The following SAMD10 variants were observed in gnomAD, a reference collection of about 807,000 sequenced individuals.
SAMD10 encodes the protein sterile alpha motif domain containing 10, also known as sterile alpha motif domain-containing protein 10.
SAMD10 carries 16 observed loss-of-function variants against 22.5 expected under a neutral mutation model. The ratio of observed to expected loss-of-function variants is 0.71; its 90% CI spans 0.48 to 1.08. The LOEUF is 1.08. SAMD10 is among the 50% of genes least tolerant of loss of function. SAMD10 has a pLI of 0.00. For synonymous variants in SAMD10, 118 were observed against 122.2 expected, an observed-to-expected ratio of 0.97 and a Z score of 0.23; for missense variants, 227 against 281.3, an observed-to-expected ratio of 0.81 and a Z score of 1.38.
In SAMD10 at chr20:63,975,418, G is replaced by A; in HGVS notation, c.*92C>T. ...CCTGGCCGCCCCGGCATCCCGCAGG[G>A]TCCAAGAGGCGCTGCGGGGCCAGCT... On this transcript the variant is annotated 3_prime_UTR_variant, in exon 5 of 5. Coordinates refer to ENST00000369886, the MANE Select transcript of SAMD10 (RefSeq NM_080621.5). 6.5e-7 allele frequency: 1 copy of A among 1,540,468 alleles called. No individual in the cohort carries two copies. The highest frequency in any genetic ancestry group is 8.9e-7 in the Non-Finnish European group (1 of 1,118,332).
At chr20:63,979,655 C>T, upstream of SAMD10, 1 of 985,128 alleles carries the variant, frequency 1.0e-6, no homozygotes, top group Middle Eastern at 5.2e-4. This position sits in a 1 kb window ranked among gnomAD's most constrained non-coding sequence, Gnocchi z 7.7. Flanking sequence ...CGGGCGCGCT[C>T]CGGGAGCTCC....
chr20:63,976,395 A>G (rs1234699130), intron 3 of SAMD10, among the ~76,000 whole-genome samples: 1 of 152,038 alleles, frequency 6.6e-6, no homozygotes, highest in Non-Finnish European at 1.5e-5. Flanking sequence ...GAAAGGAAGG[A>G]GAGCAAAAGG....
At position 63,975,752 on chromosome 20, in the gene SAMD10, G is replaced by A. The variant is rs757061221; in HGVS notation, c.526C>T (p.Gln176Ter). The A allele has an allele frequency of 6.2e-7, 1 of 1,605,088 alleles. No homozygotes were observed. Among genetic ancestry groups the A allele is most frequent in the Non-Finnish European group, 8.5e-7 (1 of 1,179,404 alleles). Residue 176 changes from glutamine to a stop codon, truncating the protein, a stop_gained, in exon 4 of 5, where the codon CAG becomes TAG. Transcript: ENST00000369886. LOFTEE classifies it high-confidence loss of function. ...AQEAQRQEVL[Q>*]QVLRLQVREE... ...CGCACCTGCAGGCGGAGCACCTGCT[G>A]CAGCACCTCCTGCCTCTGGGCCTCC...
chr20:63,975,694 T>C lies in SAMD10; in HGVS notation c.584A>G (p.Gln195Arg). ...CCTCTCTGGCACCTCACACTGACCT[T>C]GGCTGAGCAGCTGCAGGCTCCGCCC... The part of the protein sequence containing the change: ...EEGRSLQLLS[Q>R]ASFGKMS Residue 195 changes from glutamine (Q) to arginine (R), a missense_variant and splice_region_variant, in exon 4 of 5, where the codon CAA (glutamine) becomes CGA (arginine). By Grantham distance (43) the Gln-to-Arg change is conservative. Coordinates refer to ENST00000369886, the MANE Select transcript of SAMD10 (RefSeq NM_080621.5). 1 of 1,603,936 alleles carries C rather than the reference T, an allele frequency of 6.2e-7. No individual in the cohort carries two copies. The highest frequency in any genetic ancestry group is 8.5e-7 in the Non-Finnish European group (1 of 1,175,758).
In SAMD10 at chr20:63,975,334, A is replaced by C; in HGVS notation, c.*176T>G. The C allele has an allele frequency of 8.9e-6, 6 of 673,858 alleles. No individual in the cohort carries two copies. Among genetic ancestry groups the C allele is most frequent in the South Asian group, 1.7e-5 (1 of 57,170 alleles). The allele number at this position is 673,858 out of a possible 1,614,324, so 41.7% of individuals were successfully genotyped here. On this transcript the variant is annotated 3_prime_UTR_variant, in exon 5 of 5. Coordinates refer to ENST00000369886, the MANE Select transcript of SAMD10 (RefSeq NM_080621.5). ...CACCCAGCCCCAGGGCACGACCTGG[A>C]ATGTCCAACCAGAGGCGCCTGGAGG... is the stretch of plus-strand genomic sequence containing the variant.
Position 63,977,551 on chromosome 20 carries a change from G to T in SAMD10, c.92-145C>A. 1 of 804,358 alleles carries T rather than the reference G, an allele frequency of 1.2e-6. No individual in the cohort carries two copies. The highest frequency in any genetic ancestry group is 2.0e-6 in the Non-Finnish European group (1 of 505,250). The allele number at this position is 804,358 out of a possible 1,614,324, so 49.8% of individuals were successfully genotyped here. ...AGGGGTTCCCAAGCCTCCAAAGGCA[G>T]AAGGAAGTGTGCAGGACCTGTTTCG... On this transcript the variant is annotated intron_variant, in intron 1 of 4. Transcript: ENST00000369886. This position sits in a 1 kb window ranked among gnomAD's most constrained non-coding sequence, Gnocchi z 5.4.
chr20:63,979,085 T>G lies in SAMD10; in HGVS notation c.91+292A>C, dbSNP rs561693287. On this transcript the variant is annotated intron_variant, in intron 1 of 4. Transcript: ENST00000369886. The surrounding 1 kb of genome is among the most constrained non-coding windows in gnomAD (Gnocchi z 7.7). ...GCCCCACTGCAAAAGCGGGGGAGGG[T>G]TTTCCCCGTGCGCAGGAAAAGGTGA... 6.7e-6 allele frequency among the ~76,000 whole-genome samples: 1 copy of G among 150,174 alleles called. No individual in the cohort carries two copies. Among genetic ancestry groups the G allele is most frequent in the South Asian group, 2.1e-4 (1 of 4,730 alleles).
chr20:63,978,006 C>T (rs971101818), intron 1 of SAMD10, among the ~76,000 whole-genome samples: 14 of 152,248 alleles, frequency 9.2e-5, no homozygotes, highest in Non-Finnish European at 1.9e-4. Context: ...GCAGGGCTCA[C>T]TCCGCAAACA....
chr20:63,975,807 C>T lies in SAMD10; in HGVS notation c.471G>A (p.Ala157=), dbSNP rs817343. Residue 157 remains alanine (A), a synonymous_variant, in exon 4 of 5, where the codon GCG becomes GCA. Coordinates refer to ENST00000369886, the MANE Select transcript of SAMD10 (RefSeq NM_080621.5). ...CCAGCCCCATCCGCTGCAGCTTCTC[C>T]GCATTCAGCCGCAGCAGTGCCCGGC... The part of the protein sequence containing the change: ...ITGRALLRLN[A]EKLQRMGLAQ... The T allele has an allele frequency of 0.19, 307,627 of 1,601,280 alleles. 33,305 individuals are homozygous for T. The highest frequency in any genetic ancestry group is 0.45 in the African/African-American group (33,685 of 74,762).
In SAMD10 at chr20:63,974,671, C is replaced by A. The variant is rs817340; in HGVS notation, c.*839G>T. 0.26 allele frequency: 38,972 copies of A among 152,294 alleles called. 6,274 individuals are homozygous for A. Among genetic ancestry groups the A allele is most frequent in the African/African-American group, 0.45 (18,631 of 41,506 alleles). 9.4% of individuals were successfully genotyped at this position (152,294 alleles called of 1,614,324 possible). On this transcript the variant is annotated 3_prime_UTR_variant, in exon 5 of 5. Transcript: ENST00000369886. ...CTGAATCCAGGCCTTCTTGGGAAAG[C>A]AGCAATGGGAAGGCCCACGCACAAG...
intron 1 of SAMD10, among the ~76,000 whole-genome samples, chr20:63,978,542 G>A (rs916791062): frequency 3.3e-5 from 5 of 152,144 alleles, no homozygotes; most frequent in Non-Finnish European, 7.4e-5. Context: ...CAGGGGTTGG[G>A]GATGTGTCTA....
chr20:63,978,847 C>T (rs1442560389), intron 1 of SAMD10, among the ~76,000 whole-genome samples: 1 of 152,186 alleles, frequency 6.6e-6, no homozygotes, highest in African/African-American at 2.4e-5. Context: ...GGTGCAGAAG[C>T]GCGCGGCAGT....
chr20:63,979,270 C>A lies in SAMD10; in HGVS notation c.91+107G>T, dbSNP rs1601501751. On this transcript the variant is annotated intron_variant, in intron 1 of 4. Transcript: ENST00000369886. The surrounding 1 kb of genome is among the most constrained non-coding windows in gnomAD (Gnocchi z 7.7). ...AGCCGAGACATCCGCCGAATACCCC[C>A]AGCCACCGCCGCTCGAAGCCCGCCG... 4 of 786,750 alleles carry A rather than the reference C, an allele frequency of 5.1e-6. No homozygotes were observed. The South Asian group carries it at 8.3e-5, about 16-fold the overall frequency. The allele number at this position is 786,750 out of a possible 1,614,324, so 48.7% of individuals were successfully genotyped here.
chr20:63,978,448 C>T (rs2059039786), intron 1 of SAMD10: 1 of 458,286 alleles, frequency 2.2e-6, no homozygotes, highest in South Asian at 1.8e-5. Flanking sequence ...AGGTGAGGTT[C>T]CCACGCTAGG....
intron 1 of SAMD10, chr20:63,978,311 CAATG>C (rs753991497): frequency 1.9e-5 from 25 of 1,297,922 alleles, no homozygotes; most frequent in African/African-American, 3.0e-5. Context: ...CATTCATTGT[CAATG>C]AATGAATGAA....
rs771040689 is a variant in SAMD10 at position 63,977,454 on chromosome 20, G to A, written c.92-48C>T. 2 of 1,586,218 alleles carry A rather than the reference G, an allele frequency of 1.3e-6. No homozygotes were observed. Among genetic ancestry groups the A allele is most frequent in the East Asian group, 2.2e-5 (1 of 44,470 alleles). On this transcript the variant is annotated intron_variant, in intron 1 of 4. Coordinates refer to ENST00000369886, the MANE Select transcript of SAMD10 (RefSeq NM_080621.5). This position sits in a 1 kb window ranked among gnomAD's most constrained non-coding sequence, Gnocchi z 5.4. ...AGGGCAGTCAAGGGCAGAACCAGAG[G>A]CTTCCTCTACTTGAGAGCTAGCTCC...
rs1245826817 is a variant in SAMD10, at chr20:63,975,187, TA to T, written c.*322del. On this transcript the variant is annotated 3_prime_UTR_variant, in exon 5 of 5. Transcript: ENST00000369886. ...TAAATAAACAGACTCCCTGGGAGTC[TA>T]GGGGGGACATCCAAACCGGTTCTGG... 1 of 448,716 alleles carries T rather than the reference TA, an allele frequency of 2.2e-6. No homozygotes were observed. The highest frequency in any genetic ancestry group is 4.0e-6 in the Non-Finnish European group (1 of 251,916). The allele number at this position is 448,716 out of a possible 1,614,324, so 27.8% of individuals were successfully genotyped here. A position where few individuals can be genotyped will look rare whatever the true frequency, so the allele number is the denominator to read the frequency against.
chr20:63,979,343 A>C lies in SAMD10; in HGVS notation c.91+34T>G. 7 of 1,164,098 alleles carry C rather than the reference A, an allele frequency of 6.0e-6. No homozygotes were observed. Among genetic ancestry groups the C allele is most frequent in the Non-Finnish European group, 8.0e-6 (7 of 872,772 alleles). The allele number at this position is 1,164,098 out of a possible 1,614,324, so 72.1% of individuals were successfully genotyped here. A position where few individuals can be genotyped will look rare whatever the true frequency, so the allele number is the denominator to read the frequency against. On this transcript the variant is annotated intron_variant, in intron 1 of 4. Coordinates refer to ENST00000369886, the MANE Select transcript of SAMD10 (RefSeq NM_080621.5). This position sits in a 1 kb window ranked among gnomAD's most constrained non-coding sequence, Gnocchi z 7.7. ...TCTGGGTCCCTGAGACCCCCGCCCG[A>C]GAAATCCCCGCTCCCCAATCCAGCC...
chr20:63,978,771 G>A (rs1252424680), intron 1 of SAMD10, among the ~76,000 whole-genome samples: 2 of 152,236 alleles, frequency 1.3e-5, no homozygotes, highest in Non-Finnish European at 2.9e-5. Flanking sequence ...CTTATTCTAA[G>A]CCCGCGCCTT....
Sources: gnomAD v4.1 joint callset for allele counts (sites outside exome capture counted in the v4.1 genomes callset) on GRCh38, gnomAD v4.1.1 for gene constraint, Gnocchi (gnomAD v3.1) non-coding constraint, MANE v1.5 for transcripts, NCBI Gene and HGNC (gene_info 2026-07-23, HGNC 2026-07-21) for gene names.